Variants in PARN observed in about 807,000 individuals in gnomAD.
PARN encodes poly(A)-specific ribonuclease.
Under a neutral mutation model 102.8 loss-of-function variants are expected in PARN, and 71 were observed. The observed-to-expected ratio is 0.69, with a 90% CI of 0.57 to 0.84. PARN has a LOEUF of 0.84. Ranked by LOEUF, PARN falls within the 40% of genes least tolerant of loss-of-function variation. PARN has a pLI of 0.00. For synonymous variants in PARN, 261 were observed against 252.9 expected, an observed-to-expected ratio of 1.03 and a Z score of -0.30; for missense variants, 782 against 760.9, an observed-to-expected ratio of 1.03 and a Z score of -0.33.
chr16:14,623,930 T>C (rs536470221), intron 5 of PARN, among the ~76,000 whole-genome samples: 2 of 152,092 alleles, frequency 1.3e-5, no homozygotes, highest in East Asian at 1.9e-4. Context: ...ATACCTTCTA[T>C]GAATTCAACT....
chr16:14,547,096 AAAAAAAAAAAG>A (rs1214345701), intron 21 of PARN, among the ~76,000 whole-genome samples: 1 of 151,686 alleles, frequency 6.6e-6, no homozygotes, highest in Non-Finnish European at 1.5e-5. Flanking sequence ...CTGTCTCAAA[AAAAAAAAAAAG>A]AAAAAAAAAG....
chr16:14,611,683 A>C (rs1662344969), intron 6 of PARN, among the ~76,000 whole-genome samples: 1 of 152,100 alleles, frequency 6.6e-6, no homozygotes, highest in Non-Finnish European at 1.5e-5. Context: ...TGGAATTACA[A>C]GCGTGCACCA....
intron 21 of PARN, among the ~76,000 whole-genome samples, chr16:14,500,570 T>C (rs192686597): frequency 1.6e-3 from 244 of 152,224 alleles, no homozygotes; most frequent in South Asian, 3.5e-3. Flanking sequence ...CACTTGTGGA[T>C]TTTATAAAGT....
chr16:14,579,159 G>T (rs1232192384), intron 18 of PARN, among the ~76,000 whole-genome samples: 11 of 152,014 alleles, frequency 7.2e-5, no homozygotes, highest in Non-Finnish European at 1.2e-4. Context: ...GTACAGACCG[G>T]TTTTCACCAT....
intron 5 of PARN, among the ~76,000 whole-genome samples, chr16:14,619,825 A>G (rs1304852815): frequency 6.6e-6 from 1 of 151,804 alleles, no homozygotes; most frequent in Non-Finnish European, 1.5e-5. Context: ...TAATCCCAGC[A>G]CTTTCGGAGG....
At chr16:14,533,617 G>A (rs1396238068) in intron 21 of PARN, among the ~76,000 whole-genome samples, 1 of 152,142 alleles carries the variant, frequency 6.6e-6, no homozygotes, top group Non-Finnish European at 1.5e-5. Context: ...GGATGTGCTG[G>A]TCCCACAATC....
At chr16:14,442,030 A>G (rs1960964245) in intron 23 of PARN, among the ~76,000 whole-genome samples, 1 of 152,222 alleles carries the variant, frequency 6.6e-6, no homozygotes, top group South Asian at 2.1e-4. Flanking sequence ...ACTTTGAACA[A>G]TGTCTCTATT....
At chr16:14,453,563 C>A (rs1368260742) in intron 22 of PARN, among the ~76,000 whole-genome samples, 2 of 152,010 alleles carry the variant, frequency 1.3e-5, no homozygotes, top group African/African-American at 4.8e-5. Context: ...AGAACAATAC[C>A]CTCTCCCTAA....
chr16:14,462,650 GAGA>G (rs146679843), intron 22 of PARN, among the ~76,000 whole-genome samples: 53 of 150,724 alleles, frequency 3.5e-4, no homozygotes, highest in South Asian at 1.3e-3. Context: ...GAGACAGAGA[GAGA>G]AGAAGAAGAA....
intron 18 of PARN, among the ~76,000 whole-genome samples, chr16:14,564,146 T>G (rs186497979): frequency 7.2e-5 from 11 of 152,226 alleles, no homozygotes; most frequent in African/African-American, 2.6e-4. Flanking sequence ...AGCCTCCCTG[T>G]GAAATGGTAA....
At chr16:14,571,937 G>A (rs17201321) in intron 18 of PARN, among the ~76,000 whole-genome samples, 3,106 of 152,194 alleles carry the variant, frequency 0.02, 44 homozygotes, top group Non-Finnish European at 0.032. Context: ...TCAATCAAAC[G>A]GCTTTTTAAA....
At chr16:14,457,902 A>AGGGGTGTGTGTGTG (rs529387141) in intron 22 of PARN, among the ~76,000 whole-genome samples, 1 of 149,300 alleles carries the variant, frequency 6.7e-6, no homozygotes, top group Non-Finnish European at 1.5e-5. Flanking sequence ...CTTGTGGAAT[A>AGGGGTGTGTGTGTG]GGGGTGTGTG....
intron 21 of PARN, among the ~76,000 whole-genome samples, chr16:14,526,738 A>G (rs1247467340): frequency 6.6e-6 from 1 of 152,190 alleles, no homozygotes; most frequent in Admixed American, 6.5e-5. Flanking sequence ...TAGCCATCCT[A>G]TGTCTCCATT....
At chr16:14,521,016 C>T (rs142869429) in intron 21 of PARN, among the ~76,000 whole-genome samples, 232 of 152,330 alleles carry the variant, frequency 1.5e-3, no homozygotes, top group Non-Finnish European at 2.8e-3. Flanking sequence ...GTGTTGGCCT[C>T]TCTGGTTACA....
At chr16:14,451,277 A>G (rs191570958) in intron 22 of PARN, among the ~76,000 whole-genome samples, 240 of 152,260 alleles carry the variant, frequency 1.6e-3, no homozygotes, top group African/African-American at 5.3e-3. Context: ...AATGTTCCCA[A>G]TCCCTGTTTA....
intron 6 of PARN, among the ~76,000 whole-genome samples, chr16:14,611,831 G>A (rs1368523011): frequency 2.0e-5 from 3 of 152,104 alleles, no homozygotes; most frequent in African/African-American, 2.4e-5. Context: ...CACGGCCACC[G>A]CGCACGGCCA....
At chr16:14,471,806 T>C (rs1327122878) in intron 22 of PARN, among the ~76,000 whole-genome samples, 2 of 152,236 alleles carry the variant, frequency 1.3e-5, no homozygotes. Context: ...GTCCTCAAGG[T>C]GCTTTTATAG....
At chr16:14,624,120 C>A (rs965709544) in intron 5 of PARN, among the ~76,000 whole-genome samples, 1 of 152,110 alleles carries the variant, frequency 6.6e-6, no homozygotes, top group African/African-American at 2.4e-5. Context: ...CATCTCACTG[C>A]GCACACAGGG....
At chr16:14,610,489 AT>A (rs35054309) in intron 7 of PARN, among the ~76,000 whole-genome samples, 154 bp downstream of exon 7, 16 of 149,612 alleles carry the variant, frequency 1.1e-4, no homozygotes, top group African/African-American at 2.5e-4. Flanking sequence ...AAAAAAAAAA[AT>A]TTTTTTTTTA....
Sources: allele counts gnomAD v4.1 joint callset (sites outside exome capture counted in the v4.1 genomes callset), GRCh38; gene constraint gnomAD v4.1.1; transcripts MANE v1.5; gene names NCBI Gene and HGNC (gene_info 2026-07-23, HGNC 2026-07-21).